Variants in ATP8B1 observed in about 807,000 individuals in gnomAD.
ATP8B1 encodes phospholipid-transporting ATPase IC.
Under a neutral mutation model 149.9 loss-of-function variants are expected in ATP8B1, and 80 were observed. That is an observed-to-expected ratio of 0.53 (90% CI 0.45 to 0.64). The LOEUF (loss-of-function observed/expected upper bound fraction) is 0.64, where lower values mean the gene tolerates loss of function less well. Among genes scored for constraint, ATP8B1 ranks in the 30% least tolerant of loss-of-function variants. The pLI, the probability that ATP8B1 is intolerant of heterozygous loss-of-function variation, is 0.00. For synonymous variants in ATP8B1, 536 were observed against 562.8 expected (o/e 0.95, Z 0.67); for missense variants, 1,247 against 1,552.6 (o/e 0.80, Z 3.31).
chr18:57,791,223 T>G (rs1401116020), intron 1 of ATP8B1, among the ~76,000 whole-genome samples: 1 of 152,230 alleles, frequency 6.6e-6, no homozygotes, highest in East Asian at 1.9e-4. Flanking sequence ...GCACTTCATA[T>G]AAGTGGAATC....
intron 15 of ATP8B1, among the ~76,000 whole-genome samples, chr18:57,682,279 C>T (rs1453083782): frequency 6.6e-6 from 1 of 152,166 alleles, no homozygotes; most frequent in Non-Finnish European, 1.5e-5. Context: ...GCTGGGATTA[C>T]AGGTGTAAGC....
chr18:57,706,557 C>G lies in ATP8B1; in HGVS notation c.212G>C (p.Arg71Pro). 1.2e-6 allele frequency: 2 copies of G among 1,613,910 alleles called. No individual in the cohort carries two copies. The highest frequency in any genetic ancestry group is 1.7e-6 in the Non-Finnish European group (2 of 1,179,970). ...AAAGTGAGGTTGTTCGTGGTACTTG[C>G]GATCGTTTGCTTTGACTTGCCATGT... ...ECTWQVKAND[R>P]KYHEQPHFMN... The change falls in exon 3 of 28, where the codon CGC becomes CCC. Residue 71 changes from arginine (R) to proline (P), a missense_variant. Around this residue, in one of 3 missense-constraint regions of ATP8B1, gnomAD observed 853 missense variants for 1,035.7 expected, o/e 0.82. Coordinates refer to ENST00000648908, the MANE Select transcript of ATP8B1 (RefSeq NM_001374385.1).
In ATP8B1 at chr18:57,784,149, T is replaced by C. The variant is rs543433258; in HGVS notation, c.-26+18849A>G. ...GCTTTTCAAGCGAGAAAGCAGCAAA[T>C]CTGAAGTTCCTGGGACAGGAAGGGA... On this transcript the variant is annotated intron_variant, in intron 1 of 27. Coordinates refer to ENST00000648908, the MANE Select transcript of ATP8B1 (RefSeq NM_001374385.1). The surrounding 1 kb of genome is among the most constrained non-coding windows in gnomAD (Gnocchi z 4.4). Among the ~76,000 whole-genome samples the C allele has an allele frequency of 4.6e-5, 7 of 152,100 alleles. No individual in the cohort carries two copies. The highest frequency in any genetic ancestry group is 9.6e-5 in the African/African-American group (4 of 41,464).
At chr18:57,741,507 C>T (rs1051906465) in intron 1 of ATP8B1, among the ~76,000 whole-genome samples, 3 of 152,214 alleles carry the variant, frequency 2.0e-5, no homozygotes, top group African/African-American at 7.2e-5. Flanking sequence ...CAGATCCTTC[C>T]TCAGTCCTGC....
rs146829277 is a variant in ATP8B1 at position 57,679,851 on chromosome 18, G to T, written c.1630+4185C>A. Among the ~76,000 whole-genome samples, 478 of 152,188 alleles carry T rather than the reference G, an allele frequency of 3.1e-3. 2 individuals are homozygous for T. Among genetic ancestry groups the T allele is most frequent in the Admixed American group, 5.3e-3 (81 of 15,302 alleles). ...AGCTAATTTTTGTATGTTTAGTAGA[G>T]GTGGGGTTTCACAATATTGGTCAGG... is the stretch of plus-strand genomic sequence containing the variant. On this transcript the variant is annotated intron_variant, in intron 15 of 27. Transcript: ENST00000648908.
intron 1 of ATP8B1, among the ~76,000 whole-genome samples, chr18:57,756,955 A>G (rs1429915883): frequency 6.6e-6 from 1 of 152,062 alleles, no homozygotes; most frequent in African/African-American, 2.4e-5. Context: ...CCCGTTCCTT[A>G]TCACAATTTC....
chr18:57,691,388 G>A (rs1014242882), intron 12 of ATP8B1, among the ~76,000 whole-genome samples: 6 of 152,082 alleles, frequency 3.9e-5, no homozygotes, highest in African/African-American at 1.2e-4. Flanking sequence ...CCTTGGGTGT[G>A]GCAGATGATA....
chr18:57,746,859 G>T (rs1211796595), intron 1 of ATP8B1, among the ~76,000 whole-genome samples: 1 of 152,162 alleles, frequency 6.6e-6, no homozygotes, highest in East Asian at 1.9e-4. Flanking sequence ...TGGGTTCATG[G>T]AATCCACTGT....
chr18:57,696,808 C>T (rs1364335127), intron 8 of ATP8B1, among the ~76,000 whole-genome samples: 2 of 152,118 alleles, frequency 1.3e-5, no homozygotes, highest in Non-Finnish European at 2.9e-5. Flanking sequence ...CTCACATGGT[C>T]GTTTAGAGGA....
intron 2 of ATP8B1, 55 bp downstream of exon 2, chr18:57,731,572 A>G (rs2079765846): frequency 2.5e-6 from 4 of 1,581,242 alleles, no homozygotes; most frequent in Non-Finnish European, 3.5e-6. Context: ...ACGTGTGGCC[A>G]TGACCCACAT....
intron 2 of ATP8B1, among the ~76,000 whole-genome samples, chr18:57,729,549 C>CTCTTTT (rs2079739629): frequency 8.3e-6 from 1 of 120,742 alleles, no homozygotes; most frequent in African/African-American, 3.2e-5. Context: ...TTCTTTCTTT[C>CTCTTTT]TTTTTTTTTT....
At chr18:57,716,046 A>G (rs2079580193) in intron 2 of ATP8B1, among the ~76,000 whole-genome samples, 1 of 152,210 alleles carries the variant, frequency 6.6e-6, no homozygotes, top group Non-Finnish European at 1.5e-5. Flanking sequence ...GACATAGTAC[A>G]ATAAGATATA....
At chr18:57,698,519 G>A (rs1308569960) in intron 6 of ATP8B1, among the ~76,000 whole-genome samples, 2 of 151,836 alleles carry the variant, frequency 1.3e-5, no homozygotes, top group Non-Finnish European at 2.9e-5. Flanking sequence ...TAATTTTTTA[G>A]AGATGAGTTT....
At chr18:57,660,245 G>A (rs548589324) in intron 22 of ATP8B1, among the ~76,000 whole-genome samples, 11 of 152,172 alleles carry the variant, frequency 7.2e-5, no homozygotes, top group Non-Finnish European at 1.5e-4. Flanking sequence ...TTTTAATTGT[G>A]TGGACTTAAA....
intron 2 of ATP8B1, among the ~76,000 whole-genome samples, chr18:57,730,934 T>C (rs955782207): frequency 2.6e-5 from 4 of 152,110 alleles, no homozygotes; most frequent in African/African-American, 7.2e-5. Context: ...CTGATTGATA[T>C]GTATCCTTTA....
intron 1 of ATP8B1, among the ~76,000 whole-genome samples, chr18:57,785,529 G>A (rs1002119868): frequency 9.2e-5 from 14 of 152,014 alleles, no homozygotes; most frequent in Admixed American, 5.9e-4. Context: ...TTTTTGAGAC[G>A]GAGTCTCGCT....
rs922339288 is a variant in ATP8B1, at chr18:57,803,155, G to C, written c.-183C>G. On this transcript the variant is annotated 5_prime_UTR_variant, in exon 1 of 28. Coordinates refer to ENST00000648908, the MANE Select transcript of ATP8B1 (RefSeq NM_001374385.1). ...GGGGGCTGGCCGGGGGCCCGGGGAA[G>C]CGTGTCTAGTTGGCGGCGGCACCTC... The C allele has an allele frequency of 6.6e-6, 1 of 152,356 alleles. No individual in the cohort carries two copies. Among genetic ancestry groups the C allele is most frequent in the Non-Finnish European group, 1.5e-5 (1 of 68,250 alleles). 9.4% of individuals were successfully genotyped at this position (152,356 alleles called of 1,614,324 possible).
intron 17 of ATP8B1, among the ~76,000 whole-genome samples, chr18:57,670,787 C>G (rs1911176628): frequency 6.6e-6 from 1 of 152,042 alleles, no homozygotes; most frequent in Non-Finnish European, 1.5e-5. Flanking sequence ...GCTCACTCTA[C>G]CCCCTCCCTC....
chr18:57,667,151 T>C lies in ATP8B1; in HGVS notation c.2226A>G (p.Ile742Met), dbSNP rs760055104. 2 of 1,612,088 alleles carry C rather than the reference T, an allele frequency of 1.2e-6. No individual in the cohort carries two copies. Among genetic ancestry groups the C allele is most frequent in the South Asian group, 1.1e-5 (1 of 91,032 alleles). ...TGDKKETAEN[I>M]GFACELLTED... is the part of the protein sequence containing the mutation. Reference sequence around the variant, plus strand: ...CAGTCAGAAGTTCACAAGCAAATCCTATATTTTCAGCAGTTTCTACAATAG... The same window carrying C: ...CAGTCAGAAGTTCACAAGCAAATCCCATATTTTCAGCAGTTTCTACAATAG... The change falls in exon 20 of 28, where the codon ATA becomes ATG. Residue 742 changes from isoleucine (I) to methionine (M), a missense_variant. Transcript: ENST00000648908.
Sources: allele counts gnomAD v4.1 joint callset (sites outside exome capture counted in the v4.1 genomes callset), GRCh38; gene constraint gnomAD v4.1.1; regional missense constraint gnomAD v4.1.1; non-coding constraint Gnocchi (gnomAD v3.1); transcripts MANE v1.5; gene names NCBI Gene and HGNC (gene_info 2026-07-23, HGNC 2026-07-21).